Variants in NDUFAF2 observed in about 807,000 individuals in gnomAD.
NDUFAF2 encodes the protein NADH dehydrogenase [ubiquinone] 1 alpha subcomplex assembly factor 2.
NDUFAF2 carries 13 observed loss-of-function variants against 22.8 expected under a neutral mutation model. The ratio of observed to expected loss-of-function variants is 0.57; its 90% confidence interval spans 0.37 to 0.91. NDUFAF2 has a LOEUF of 0.91. Ranked by LOEUF, NDUFAF2 falls within the 40% of genes least tolerant of loss-of-function variation. The pLI, the probability that NDUFAF2 is intolerant of heterozygous loss-of-function variation, is 0.01. For synonymous variants in NDUFAF2, 53 were observed against 64.2 expected (o/e 0.83, Z 0.84); for missense variants, 162 against 195.2 (o/e 0.83, Z 1.01).
At chr5:60,979,197 A>G (rs1198237248) in intron 1 of NDUFAF2, among the ~76,000 whole-genome samples, 1 of 152,206 alleles carries the variant, frequency 6.6e-6, no homozygotes, top group Non-Finnish European at 1.5e-5. Flanking sequence ...GATAAGATTC[A>G]GAGCTATTCT....
chr5:61,045,393 T>C (rs1751941047), intron 1 of NDUFAF2, among the ~76,000 whole-genome samples: 1 of 151,120 alleles, frequency 6.6e-6, no homozygotes, highest in African/African-American at 2.4e-5. Flanking sequence ...GTCTTCAGTG[T>C]GCAGGTTTTT....
intron 1 of NDUFAF2, among the ~76,000 whole-genome samples, chr5:61,014,094 TG>T (rs1049968179): frequency 3.3e-5 from 5 of 152,202 alleles, no homozygotes; most frequent in African/African-American, 1.2e-4. Flanking sequence ...AGTTTAAGAA[TG>T]GGGCTGGTCC....
intron 1 of NDUFAF2, among the ~76,000 whole-genome samples, chr5:61,003,946 C>T (rs1751332216): frequency 1.3e-5 from 2 of 152,032 alleles, no homozygotes; most frequent in Non-Finnish European, 2.9e-5. Flanking sequence ...AGATTACAAG[C>T]ACGAGCTACT....
At chr5:61,119,526 T>A (rs181245451) in intron 3 of NDUFAF2, among the ~76,000 whole-genome samples, 1 of 152,328 alleles carries the variant, frequency 6.6e-6, no homozygotes, top group Non-Finnish European at 1.5e-5. Context: ...AAAGTTATTC[T>A]GGGATTTCTG....
intron 1 of NDUFAF2, among the ~76,000 whole-genome samples, chr5:61,019,756 T>C (rs1433755542): frequency 1.3e-5 from 2 of 152,138 alleles, no homozygotes; most frequent in African/African-American, 4.8e-5. Flanking sequence ...TATATTCTTA[T>C]AAATGAGATG....
At chr5:61,054,573 A>G (rs1752063683) in intron 1 of NDUFAF2, among the ~76,000 whole-genome samples, 1 of 152,238 alleles carries the variant, frequency 6.6e-6, no homozygotes, top group Non-Finnish European at 1.5e-5. Flanking sequence ...AACGATTTCT[A>G]GAACTGAGAT....
At chr5:61,036,960 T>A (rs1751807354) in intron 1 of NDUFAF2, among the ~76,000 whole-genome samples, 1 of 152,156 alleles carries the variant, frequency 6.6e-6, no homozygotes, top group African/African-American at 2.4e-5. Context: ...GGATCCTTGA[T>A]CTGGAGAAGC....
At chr5:61,050,131 A>G (rs58290567) in intron 1 of NDUFAF2, among the ~76,000 whole-genome samples, 4 of 151,582 alleles carry the variant, frequency 2.6e-5, no homozygotes, top group Non-Finnish European at 2.9e-5. Context: ...TTATATATAT[A>G]TTTTTTTTGA....
intron 1 of NDUFAF2, among the ~76,000 whole-genome samples, chr5:60,960,842 G>T (rs1031833299): frequency 2.6e-5 from 4 of 151,972 alleles, no homozygotes; most frequent in Non-Finnish European, 4.4e-5. Flanking sequence ...CTCACAAATT[G>T]CATCCTTTGC....
At chr5:60,955,359 T>C (rs914338262) in intron 1 of NDUFAF2, among the ~76,000 whole-genome samples, 1 of 152,200 alleles carries the variant, frequency 6.6e-6, no homozygotes, top group African/African-American at 2.4e-5. Context: ...GGCATAATTG[T>C]CAAAACTCAC....
intron 1 of NDUFAF2, among the ~76,000 whole-genome samples, chr5:61,001,248 A>G (rs1751291487): frequency 6.6e-6 from 1 of 152,012 alleles, no homozygotes; most frequent in Non-Finnish European, 1.5e-5. Context: ...GATGGGCCCA[A>G]CCTCCTTATA....
chr5:61,136,707 A>G (rs755246279), intron 3 of NDUFAF2, among the ~76,000 whole-genome samples: 6 of 152,224 alleles, frequency 3.9e-5, no homozygotes, highest in South Asian at 2.1e-4. Flanking sequence ...AAAGTCACTA[A>G]AAGGTGCCTT....
chr5:61,037,791 A>T (rs958297505), intron 1 of NDUFAF2, among the ~76,000 whole-genome samples: 3 of 152,082 alleles, frequency 2.0e-5, no homozygotes, highest in African/African-American at 7.2e-5. Context: ...AATAATGGGA[A>T]GCCTTTGAAT....
intron 1 of NDUFAF2, among the ~76,000 whole-genome samples, chr5:61,008,318 AT>A (rs540599136): frequency 5.3e-4 from 80 of 152,044 alleles, no homozygotes; most frequent in Non-Finnish European, 5.9e-4. Flanking sequence ...AAAAGAATGG[AT>A]TTTCACATCT....
At chr5:61,100,633 A>C (rs1422624265) in intron 3 of NDUFAF2, among the ~76,000 whole-genome samples, 1 of 151,780 alleles carries the variant, frequency 6.6e-6, no homozygotes, top group African/African-American at 2.4e-5. Context: ...ATTACCATTC[A>C]CCATTAATAT....
rs71578646 is a variant in NDUFAF2 at position 61,107,044 on chromosome 5, T to TAC, written c.258+8013_258+8014insCA. 7.3e-3 allele frequency among the ~76,000 whole-genome samples: 471 copies of TAC among 64,780 alleles called. 4 individuals carry two copies. The highest frequency in any genetic ancestry group is 0.016 in the East Asian group (22 of 1,404). 42.5% of individuals were successfully genotyped at this position (64,780 alleles called of 152,430 possible). A position where few individuals can be genotyped will look rare whatever the true frequency, so the allele number is the denominator to read the frequency against. On this transcript the variant is annotated intron_variant, in intron 3 of 3. Transcript: ENST00000296597. ...TCTGATTTCCTTTCCTTTGGATAAA[T>TAC]ATACACACACACACACACACACACA...
At position 60,945,405 on chromosome 5, in the gene NDUFAF2, G is replaced by A. The variant is rs948586167; in HGVS notation, c.127+23G>A. The A allele has an allele frequency of 3.7e-6, 6 of 1,614,064 alleles. No individual in the cohort carries two copies. The African/African-American group carries it at 6.7e-5, about 18-fold the overall frequency. On this transcript the variant is annotated intron_variant, in intron 1 of 3. Transcript: ENST00000296597. ...GAGGTGAGGTGGCGGCGTGGGCAGCGATTGCGTGGTCAGTGATTGCGAGGT... is the reference window on the plus strand; with the variant it reads ...GAGGTGAGGTGGCGGCGTGGGCAGCAATTGCGTGGTCAGTGATTGCGAGGT...
chr5:60,958,873 G>A (rs757082713), intron 1 of NDUFAF2, among the ~76,000 whole-genome samples: 1 of 151,912 alleles, frequency 6.6e-6, no homozygotes, highest in Admixed American at 6.6e-5. Context: ...ATGTCACGAC[G>A]CCTCTAGTGT....
At chr5:60,965,458 G>A (rs1243613748) in intron 1 of NDUFAF2, among the ~76,000 whole-genome samples, 1 of 151,976 alleles carries the variant, frequency 6.6e-6, no homozygotes, top group Non-Finnish European at 1.5e-5. Context: ...CTGTACAATA[G>A]ATCTCTTTAA....
Sources: gnomAD v4.1 joint callset for allele counts (sites outside exome capture counted in the v4.1 genomes callset) on GRCh38, gnomAD v4.1.1 for gene constraint, MANE v1.5 for transcripts, NCBI Gene and HGNC (gene_info 2026-07-23, HGNC 2026-07-21) for gene names.